The following PHLPP2 variants were observed in gnomAD, a reference collection of about 807,000 sequenced individuals.
PHLPP2 encodes PH domain leucine-rich repeat-containing protein phosphatase 2.
A neutral mutation model predicts 124.9 loss-of-function variants in PHLPP2; 66 were observed. The observed-to-expected ratio is 0.53, with a 90% CI of 0.43 to 0.65. The LOEUF is 0.65. PHLPP2 is among the 30% of genes least tolerant of loss of function. PHLPP2 has a pLI of 0.00. For synonymous variants in PHLPP2, 681 were observed against 624.7 expected (o/e 1.09, Z -1.34); for missense variants, 1,685 against 1,600.4 (o/e 1.05, Z -0.90).
At position 71,714,004 on chromosome 16, in the gene PHLPP2, A is replaced by T. The variant is rs183440955; in HGVS notation, c.284+508T>A. 4.3e-3 allele frequency among the ~76,000 whole-genome samples: 641 copies of T among 148,162 alleles called. 10 individuals are homozygous for T. The highest frequency in any genetic ancestry group is 0.015 in the African/African-American group (623 of 40,294). ...ACCCAGGCTGCAGTGCAGTGGCATG[A>T]TCTCGGCTCACCGCAACCTTGGTCT... On this transcript the variant is annotated intron_variant, in intron 2 of 18. Coordinates refer to ENST00000568954, the MANE Select transcript of PHLPP2 (RefSeq NM_015020.3).
intron 3 of PHLPP2, among the ~76,000 whole-genome samples, chr16:71,694,774 T>A (rs1422070326): frequency 1.3e-5 from 2 of 151,938 alleles, no homozygotes; most frequent in African/African-American, 2.4e-5. Context: ...AAAGAGACCA[T>A]CATTTTTTAA....
chr16:71,688,117 G>T lies in PHLPP2; in HGVS notation c.609+2402C>A, dbSNP rs570902606. Among the ~76,000 whole-genome samples, 21 of 152,298 alleles carry T rather than the reference G, an allele frequency of 1.4e-4. No individual in the cohort carries two copies. In the South Asian group the frequency reaches 4.4e-3, roughly 32 times the overall value. On this transcript the variant is annotated intron_variant, in intron 4 of 18. Transcript: ENST00000568954. ...TCTGACACTGAGGAACTGGCAAAGG[G>T]TCAAGCCATCCCTTTATGACCTTTA...
intron 2 of PHLPP2, among the ~76,000 whole-genome samples, chr16:71,710,641 G>C (rs1388768668): frequency 6.6e-6 from 1 of 152,176 alleles, no homozygotes; most frequent in Non-Finnish European, 1.5e-5. Flanking sequence ...ACATCTCTTA[G>C]GAGCTTAATT....
intron 17 of PHLPP2, among the ~76,000 whole-genome samples, chr16:71,653,720 C>G (rs938210085): frequency 3.3e-5 from 5 of 152,332 alleles, no homozygotes; most frequent in Middle Eastern, 3.4e-3. Flanking sequence ...GCTACAATTC[C>G]TGGCTTGAGT....
intron 1 of PHLPP2, among the ~76,000 whole-genome samples, chr16:71,722,397 G>A (rs1451510531): frequency 6.6e-6 from 1 of 152,150 alleles, no homozygotes; most frequent in East Asian, 1.9e-4. Context: ...ACTGCACTCA[G>A]GCTTGGGTGA....
intron 1 of PHLPP2, chr16:71,723,088 C>T (rs1439467328): frequency 1.3e-5 from 2 of 152,448 alleles, no homozygotes; most frequent in Middle Eastern, 3.4e-3. Flanking sequence ...GGCCCCGCTC[C>T]CGGGAGCAGG....
At position 71,646,847 on chromosome 16, in the gene PHLPP2, T is replaced by A. The variant is rs948665439; in HGVS notation, c.*2043A>T. 3.9e-5 allele frequency: 6 copies of A among 152,192 alleles called. No individual in the cohort carries two copies. Among genetic ancestry groups the A allele is most frequent in the African/African-American group, 1.4e-4 (6 of 41,438 alleles). 9.4% of individuals were successfully genotyped at this position (152,192 alleles called of 1,614,324 possible). A position where few individuals can be genotyped will look rare whatever the true frequency, so the allele number is the denominator to read the frequency against. On this transcript the variant is annotated 3_prime_UTR_variant, in exon 19 of 19. Transcript: ENST00000568954. Reference sequence around the variant, plus strand: ...TCTAAAATTCTCAATAGCTGACCAGTAGTTTGACAATCTGGGGACTCAAGT... The same window carrying A: ...TCTAAAATTCTCAATAGCTGACCAGAAGTTTGACAATCTGGGGACTCAAGT...
chr16:71,669,031 TTA>T (rs2044866112), intron 11 of PHLPP2, among the ~76,000 whole-genome samples: 1 of 152,202 alleles, frequency 6.6e-6, no homozygotes, highest in South Asian at 2.1e-4. Flanking sequence ...GCAGCAACTC[TTA>T]GTGTATTTAT....
In PHLPP2 at chr16:71,656,453, TATG is replaced by T. The variant is rs1450058391; in HGVS notation, c.2390+115_2390+117del. ...GGGATCTTATCTGACGCTGATGTTCTATGATTTGTCTGTGTACAACAGAACAAC... is the reference window on the plus strand; with the variant it reads ...GGGATCTTATCTGACGCTGATGTTCTATTTGTCTGTGTACAACAGAACAAC... On this transcript the variant is annotated intron_variant, in intron 16 of 18. Transcript: ENST00000568954. 9.5e-6 allele frequency: 6 copies of T among 630,046 alleles called. No individual in the cohort carries two copies. In the African/African-American group the frequency reaches 1.1e-4, roughly 12 times the overall value. The allele number at this position is 630,046 out of a possible 1,614,324, so 39.0% of individuals were successfully genotyped here.
chr16:71,723,865 C>G, intron 1 of PHLPP2: 5 of 1,187,074 alleles, frequency 4.2e-6, no homozygotes, highest in Admixed American at 4.6e-5. Flanking sequence ...CCACCTCCCC[C>G]ATCGGCGACC....
At chr16:71,654,973 C>G (rs1386840309) in intron 17 of PHLPP2, 2 of 408,710 alleles carry the variant, frequency 4.9e-6, no homozygotes, top group Non-Finnish European at 8.9e-6. Context: ...TATATATACA[C>G]ACACAACATT....
At chr16:71,668,353 T>C (rs923284312) in intron 11 of PHLPP2, among the ~76,000 whole-genome samples, 11 of 142,622 alleles carry the variant, frequency 7.7e-5, no homozygotes, top group Admixed American at 3.1e-4. Flanking sequence ...GAGGCAGAGC[T>C]TGCAGTGAGC....
intron 3 of PHLPP2, chr16:71,698,553 C>CT (rs2045197211): frequency 4.5e-6 from 3 of 666,418 alleles, no homozygotes; most frequent in African/African-American, 1.8e-5. Context: ...GAGACATGAA[C>CT]ATCCATCTGA....
At chr16:71,653,720 C>T (rs938210085) in intron 17 of PHLPP2, among the ~76,000 whole-genome samples, 2 of 152,214 alleles carry the variant, frequency 1.3e-5, no homozygotes, top group African/African-American at 4.8e-5. Context: ...GCTACAATTC[C>T]TGGCTTGAGT....
chr16:71,659,984 ACTC>A (rs763731322), intron 13 of PHLPP2, among the ~76,000 whole-genome samples: 56 of 151,980 alleles, frequency 3.7e-4, no homozygotes, highest in Admixed American at 5.9e-4. Context: ...AATAATTTCT[ACTC>A]CTAGAAATTT....
intron 4 of PHLPP2, among the ~76,000 whole-genome samples, chr16:71,685,690 T>C (rs531331027): frequency 3.3e-5 from 5 of 152,352 alleles, no homozygotes; most frequent in African/African-American, 7.2e-5. Flanking sequence ...AAATGAAGAA[T>C]AGATACTGAC....
chr16:71,653,118 T>A, intron 17 of PHLPP2, 97 bp from the exon 18 acceptor site: 1 of 727,150 alleles, frequency 1.4e-6, no homozygotes, highest in Non-Finnish European at 2.2e-6. Flanking sequence ...TTTTTTTTTT[T>A]TTACCATGTG....
chr16:71,695,690 A>G (rs1030265886), intron 3 of PHLPP2, among the ~76,000 whole-genome samples: 2 of 151,230 alleles, frequency 1.3e-5, no homozygotes, highest in African/African-American at 2.4e-5. Context: ...AGCCTGGGAA[A>G]CAAGAGTGAG....
intron 11 of PHLPP2, among the ~76,000 whole-genome samples, chr16:71,668,467 C>T (rs1266734319): frequency 1.5e-5 from 2 of 129,252 alleles, no homozygotes; most frequent in African/African-American, 2.9e-5. Context: ...GGAGTAAAAA[C>T]GACTACATCC....
Sources: gnomAD v4.1 joint callset for allele counts (sites outside exome capture counted in the v4.1 genomes callset) on GRCh38, gnomAD v4.1.1 for gene constraint, MANE v1.5 for transcripts, NCBI Gene and HGNC (gene_info 2026-07-23, HGNC 2026-07-21) for gene names.